Variants in PPARA observed in about 807,000 individuals in gnomAD.
PPARA encodes peroxisome proliferator activated receptor alpha.
Under a neutral mutation model 42.2 loss-of-function variants are expected in PPARA, and 22 were observed. That is an observed-to-expected ratio of 0.52 (90% CI 0.37 to 0.74). PPARA has a LOEUF of 0.74. Among genes scored for constraint, PPARA ranks in the 30% least tolerant of loss-of-function variants. The pLI is 0.00. For missense variants in PPARA, 465 were observed against 608.2 expected (o/e 0.76, Z 2.48); for synonymous variants, 242 against 239.3 (o/e 1.01, Z -0.10).
chr22:46,231,894 A>G lies in PPARA; in HGVS notation c.814A>G (p.Ile272Val), dbSNP rs764056067. Reference sequence around the variant, plus strand: ...CCAGAACAAGGAGGCGGAGGTCCGCATCTTTCACTGCTGCCAGTGCACGTC... The same window carrying G: ...CCAGAACAAGGAGGCGGAGGTCCGCGTCTTTCACTGCTGCCAGTGCACGTC... ...GIQNKEAEVR[I>V]FHCCQCTSVE... Residue 272 changes from isoleucine to valine, a missense_variant, in exon 8 of 9, where the codon ATC becomes GTC. Around this residue, in one of 2 missense-constraint regions of PPARA, gnomAD observed 313 missense variants for 469.1 expected, o/e 0.67. Transcript: ENST00000407236. This position sits in a 1 kb window ranked among gnomAD's most constrained non-coding sequence, Gnocchi z 7.7. 2 of 1,614,066 alleles carry G rather than the reference A, an allele frequency of 1.2e-6. No homozygotes were observed.
rs1936209440 is a variant in PPARA at position 46,236,487 on chromosome 22, AGC to A, written c.*1108_*1109del. 1 of 152,632 alleles carries A rather than the reference AGC, an allele frequency of 6.6e-6. No individual in the cohort carries two copies. The highest frequency in any genetic ancestry group is 2.4e-5 in the African/African-American group (1 of 41,442). 9.5% of individuals were successfully genotyped at this position (152,632 alleles called of 1,614,324 possible). On this transcript the variant is annotated 3_prime_UTR_variant, in exon 9 of 9. Transcript: ENST00000407236. This position sits in a 1 kb window ranked among gnomAD's most constrained non-coding sequence, Gnocchi z 5.2. The stretch of plus-strand genomic sequence containing the variant: ...AGCCCGCCAGCTTCCTGCTCCACTC[AGC>A]TCCGTCCAGTCAACCTGAACCCACC...
At chr22:46,181,162 C>T (rs1240347802) in intron 3 of PPARA, among the ~76,000 whole-genome samples, 1 of 152,062 alleles carries the variant, frequency 6.6e-6, no homozygotes, top group Non-Finnish European at 1.5e-5. Flanking sequence ...CTAAGTTGGT[C>T]AGGAAAGAAA....
intron 4 of PPARA, among the ~76,000 whole-genome samples, chr22:46,210,616 G>A (rs1933837592): frequency 6.6e-6 from 1 of 151,852 alleles, no homozygotes; most frequent in South Asian, 2.1e-4. Context: ...ATAATTTTTT[G>A]TATTTTTAGC....
At chr22:46,213,140 C>T (rs1468978923) in intron 4 of PPARA, among the ~76,000 whole-genome samples, 1 of 152,152 alleles carries the variant, frequency 6.6e-6, no homozygotes, top group Non-Finnish European at 1.5e-5. Flanking sequence ...GAATGTCCTC[C>T]AAGGGGGCTG....
chr22:46,228,188 G>A (rs1176145243), intron 7 of PPARA, among the ~76,000 whole-genome samples: 1 of 152,216 alleles, frequency 6.6e-6, no homozygotes, highest in Non-Finnish European at 1.5e-5. Context: ...AAAGGCCCAG[G>A]CTTGGGTGTT....
At chr22:46,218,539 G>A in intron 6 of PPARA, 138 bp downstream of exon 6, 1 of 1,448,838 alleles carries the variant, frequency 6.9e-7, no homozygotes, top group Non-Finnish European at 9.6e-7. Flanking sequence ...AGTGGCCTAA[G>A]AAAATAAAAG....
Position 46,195,277 on chromosome 22 carries a change from T to G in PPARA, c.-42-3065T>G, listed in dbSNP as rs1209120671. On this transcript the variant is annotated intron_variant, in intron 3 of 8. Coordinates refer to ENST00000407236, the MANE Select transcript of PPARA (RefSeq NM_005036.6). This position sits in a 1 kb window ranked among gnomAD's most constrained non-coding sequence, Gnocchi z 4.6. ...TTAGTGACTGCAACTTTTGAACTTT[T>G]TGTTCATAGTGAAAAATATTTTAAG... 6.6e-6 allele frequency among the ~76,000 whole-genome samples: 1 copy of G among 152,200 alleles called. No homozygotes were observed. Among genetic ancestry groups the G allele is most frequent in the East Asian group, 1.9e-4 (1 of 5,198 alleles).
At chr22:46,185,917 ATATATATATATATATAT>A (rs1266552537) in intron 3 of PPARA, among the ~76,000 whole-genome samples, 105 of 10,098 alleles carry the variant, frequency 0.01, 7 homozygotes, top group African/African-American at 0.032. Context: ...AAAAAAAAAA[ATATATATATATATATAT>A]ATATATATAT....
rs766559822 is a variant in PPARA, at chr22:46,193,019, C to CA, written c.-42-5317dup. ...GGGCAGTGAAGATGGTTAACAGGTACAAAAAACTAGAAAGAATGAATAAGA... is the reference window on the plus strand; with the variant it reads ...GGGCAGTGAAGATGGTTAACAGGTACAAAAAAACTAGAAAGAATGAATAAGA... On this transcript the variant is annotated intron_variant, in intron 3 of 8. Coordinates refer to ENST00000407236, the MANE Select transcript of PPARA (RefSeq NM_005036.6). This position sits in a 1 kb window ranked among gnomAD's most constrained non-coding sequence, Gnocchi z 5.3. Among the ~76,000 whole-genome samples, 14 of 152,050 alleles carry CA rather than the reference C, an allele frequency of 9.2e-5. No homozygotes were observed. Among genetic ancestry groups the CA allele is most frequent in the Non-Finnish European group, 1.9e-4 (13 of 68,002 alleles).
In PPARA at chr22:46,204,845, A is replaced by G. The variant is rs1428520736; in HGVS notation, c.208+6254A>G. ...TTCTACTGATAGTATCTTAAAAAAA[A>G]AAAAGAAAAAAGATTGTTTTGTTTG... On this transcript the variant is annotated intron_variant, in intron 4 of 8. Coordinates refer to ENST00000407236, the MANE Select transcript of PPARA (RefSeq NM_005036.6). The surrounding 1 kb of genome is among the most constrained non-coding windows in gnomAD (Gnocchi z 5.2). Among the ~76,000 whole-genome samples the G allele has an allele frequency of 6.6e-6, 1 of 151,610 alleles. No homozygotes were observed. The highest frequency in any genetic ancestry group is 1.5e-5 in the Non-Finnish European group (1 of 67,984).
In PPARA at chr22:46,167,914, A is replaced by G. The variant is rs1927318811; in HGVS notation, c.-126-8839A>G. On this transcript the variant is annotated intron_variant, in intron 2 of 8. Transcript: ENST00000407236. This position sits in a 1 kb window ranked among gnomAD's most constrained non-coding sequence, Gnocchi z 4.1. ...AAAATAAAAAGCCTGTGCCAGGCACAGTGGCACATGTCTGTAGTCCTAGCT... is the reference window on the plus strand; with the variant it reads ...AAAATAAAAAGCCTGTGCCAGGCACGGTGGCACATGTCTGTAGTCCTAGCT... Among the ~76,000 whole-genome samples the G allele has an allele frequency of 6.6e-6, 1 of 151,946 alleles. No homozygotes were observed. Among genetic ancestry groups the G allele is most frequent in the Non-Finnish European group, 1.5e-5 (1 of 67,988 alleles).
chr22:46,176,012 C>T (rs922936679), intron 2 of PPARA: 1 of 152,168 alleles, frequency 6.6e-6, no homozygotes, highest in African/African-American at 2.4e-5. Context: ...CGGTGGCTCA[C>T]ACCTGTAATC....
rs182156714 is a variant in PPARA at position 46,177,985 on chromosome 22, G to A, written c.-43+1149G>A. ...GCTAAGGATTTATATCAGGATCTCAGGTTTATACCCAGGGAGGTATAGCAG... is the reference window on the plus strand; with the variant it reads ...GCTAAGGATTTATATCAGGATCTCAAGTTTATACCCAGGGAGGTATAGCAG... On this transcript the variant is annotated intron_variant, in intron 3 of 8. Transcript: ENST00000407236. 2.3e-3 allele frequency among the ~76,000 whole-genome samples: 344 copies of A among 152,176 alleles called. 1 individual carries two copies. The highest frequency in any genetic ancestry group is 8.0e-3 in the African/African-American group (333 of 41,506).
Position 46,239,535 on chromosome 22 carries a change from G to A in PPARA, c.*4155G>A, listed in dbSNP as rs1008768829. 2 of 148,742 alleles carry A rather than the reference G, an allele frequency of 1.3e-5. No homozygotes were observed. The highest frequency in any genetic ancestry group is 3.0e-5 in the Non-Finnish European group (2 of 67,372). 9.2% of individuals were successfully genotyped at this position (148,742 alleles called of 1,614,324 possible). A position where few individuals can be genotyped will look rare whatever the true frequency, so the allele number is the denominator to read the frequency against. On this transcript the variant is annotated 3_prime_UTR_variant, in exon 9 of 9. Transcript: ENST00000407236. ...AAGGAACTTCGGTTGTGTAAAGGGA[G>A]CCTTGAAGATACGTGCAAAAGGTGC...
intron 3 of PPARA, among the ~76,000 whole-genome samples, chr22:46,189,450 T>C (rs2147316614): frequency 6.6e-6 from 1 of 152,320 alleles, no homozygotes; most frequent in Non-Finnish European, 1.5e-5. Context: ...ATTCTTTTGA[T>C]TACAAAATTT....
At chr22:46,217,819 C>CTTTTT (rs60894989) in intron 5 of PPARA, among the ~76,000 whole-genome samples, 862 of 77,128 alleles carry the variant, frequency 0.011, 46 homozygotes, top group Non-Finnish European at 0.014. Context: ...CTATTTCTTT[C>CTTTTT]TTTTTTTTTT....
At position 46,183,968 on chromosome 22, in the gene PPARA, A is replaced by G. The variant is rs1930322539; in HGVS notation, c.-43+7132A>G. On this transcript the variant is annotated intron_variant, in intron 3 of 8. Coordinates refer to ENST00000407236, the MANE Select transcript of PPARA (RefSeq NM_005036.6). The surrounding 1 kb of genome is among the most constrained non-coding windows in gnomAD (Gnocchi z 5.5). ...GCGCATGTTGTGGTAGCCTCTCTGT[A>G]CTTCAGTTTCCTCATCTGTAAAGTA... Among the ~76,000 whole-genome samples, 1 of 152,208 alleles carries G rather than the reference A, an allele frequency of 6.6e-6. No homozygotes were observed. Among genetic ancestry groups the G allele is most frequent in the South Asian group, 2.1e-4 (1 of 4,810 alleles).
In PPARA at chr22:46,182,352, T is replaced by A. The variant is rs779619353; in HGVS notation, c.-43+5516T>A. On this transcript the variant is annotated intron_variant, in intron 3 of 8. Transcript: ENST00000407236. This position sits in a 1 kb window ranked among gnomAD's most constrained non-coding sequence, Gnocchi z 5.2. ...TATATTCTCAAACTGTGGTTATCCA[T>A]ACAATGGAGTATTACTTTGCAATCA... is the stretch of plus-strand genomic sequence containing the variant. Among the ~76,000 whole-genome samples the A allele has an allele frequency of 9.2e-5, 14 of 152,228 alleles. No homozygotes were observed. The highest frequency in any genetic ancestry group is 1.5e-4 in the Non-Finnish European group (10 of 68,044).
chr22:46,185,277 C>G (rs1335869699), intron 3 of PPARA, among the ~76,000 whole-genome samples: 1 of 152,100 alleles, frequency 6.6e-6, no homozygotes, highest in Non-Finnish European at 1.5e-5. Context: ...TTTGTAATTC[C>G]CTAGAAAAGT....
Sources: allele counts gnomAD v4.1 joint callset (sites outside exome capture counted in the v4.1 genomes callset), GRCh38; gene constraint gnomAD v4.1.1; regional missense constraint gnomAD v4.1.1; non-coding constraint Gnocchi (gnomAD v3.1); transcripts MANE v1.5; gene names NCBI Gene and HGNC (gene_info 2026-07-23, HGNC 2026-07-21).